The following NEGR1 variants were observed in gnomAD, a reference collection of about 807,000 sequenced individuals.
The protein encoded by NEGR1 is neuronal growth regulator 1.
A neutral mutation model predicts 40.9 loss-of-function variants in NEGR1; 10 were observed. The ratio of observed to expected loss-of-function variants is 0.24; its 90% CI spans 0.15 to 0.42. NEGR1 has a LOEUF of 0.42. NEGR1 is among the 10% of genes least tolerant of loss of function. The pLI is 1.00. For missense variants in NEGR1, 352 were observed against 438.9 expected, an observed-to-expected ratio of 0.80 and a Z score of 1.77; for synonymous variants, 185 against 166.8, an observed-to-expected ratio of 1.11 and a Z score of -0.84.
chr1:72,029,885 G>A (rs1011725661), intron 1 of NEGR1, among the ~76,000 whole-genome samples: 1 of 152,046 alleles, frequency 6.6e-6, no homozygotes, highest in African/African-American at 2.4e-5. Flanking sequence ...CATCTAATTT[G>A]GGAATTGAGG....
At chr1:72,158,996 G>A (rs971631839) in intron 1 of NEGR1, among the ~76,000 whole-genome samples, 15 of 152,050 alleles carry the variant, frequency 9.9e-5, no homozygotes, top group East Asian at 1.9e-4. Context: ...TGATCCTTGC[G>A]AGGCTGAATA....
At chr1:71,853,173 T>A (rs1014490857) in intron 2 of NEGR1, among the ~76,000 whole-genome samples, 3 of 152,126 alleles carry the variant, frequency 2.0e-5, no homozygotes, top group South Asian at 2.1e-4. Flanking sequence ...GTAAAGAGTA[T>A]GCCCTCAGTG....
chr1:72,243,221 CA>C (rs36071037), intron 1 of NEGR1, among the ~76,000 whole-genome samples: 3,312 of 151,762 alleles, frequency 0.022, 54 homozygotes, highest in African/African-American at 0.032. Flanking sequence ...CTTCTCATCT[CA>C]ATTAAAATCA....
At chr1:71,995,781 A>G (rs990881898) in intron 1 of NEGR1, among the ~76,000 whole-genome samples, 6 of 152,184 alleles carry the variant, frequency 3.9e-5, no homozygotes, top group Non-Finnish European at 5.9e-5. Flanking sequence ...TCTTTCTCTG[A>G]TCACTCCATC....
intron 6 of NEGR1, among the ~76,000 whole-genome samples, chr1:71,454,443 A>G (rs371082139): frequency 6.6e-6 from 1 of 150,500 alleles, no homozygotes; most frequent in Non-Finnish European, 1.5e-5. Context: ...CTACTGTGAC[A>G]TTTTTTTTTC....
At chr1:72,119,248 G>T (rs550513738) in intron 1 of NEGR1, among the ~76,000 whole-genome samples, 1 of 152,004 alleles carries the variant, frequency 6.6e-6, no homozygotes, top group South Asian at 2.1e-4. Context: ...TATGCTAATA[G>T]TTGATGATAA....
chr1:71,579,503 G>A (rs1256782259), intron 6 of NEGR1, among the ~76,000 whole-genome samples: 2 of 151,790 alleles, frequency 1.3e-5, no homozygotes, highest in Non-Finnish European at 2.9e-5. Flanking sequence ...GTCTACAAAT[G>A]TGTTTTCTTC....
chr1:71,432,948 T>C (rs1021212905), intron 6 of NEGR1, among the ~76,000 whole-genome samples: 1 of 152,216 alleles, frequency 6.6e-6, no homozygotes, highest in Non-Finnish European at 1.5e-5. Context: ...TGATTTATCA[T>C]TGAAACCTTG....
At chr1:71,954,088 T>A (rs1035476547) in intron 1 of NEGR1, among the ~76,000 whole-genome samples, 5 of 151,980 alleles carry the variant, frequency 3.3e-5, no homozygotes, top group African/African-American at 1.2e-4. Context: ...GAAATAGGAA[T>A]GTGAAATGGT....
intron 6 of NEGR1, among the ~76,000 whole-genome samples, chr1:71,433,171 T>C (rs1646480729): frequency 6.6e-6 from 1 of 152,236 alleles, no homozygotes. Context: ...AATACCTTGA[T>C]CTTGGACTTC....
chr1:71,785,172 GC>G (rs1302525308), intron 2 of NEGR1, among the ~76,000 whole-genome samples: 6 of 152,118 alleles, frequency 3.9e-5, no homozygotes, highest in African/African-American at 7.2e-5. Context: ...CTTAATAGCA[GC>G]TACTTCCTCA....
chr1:71,825,384 T>C (rs1658582258), intron 2 of NEGR1, among the ~76,000 whole-genome samples: 1 of 151,950 alleles, frequency 6.6e-6, no homozygotes, highest in South Asian at 2.1e-4. Context: ...AATCTCTGCA[T>C]GCTTTGGTCC....
intron 1 of NEGR1, among the ~76,000 whole-genome samples, chr1:72,117,381 C>T (rs1649623024): frequency 6.6e-6 from 1 of 151,822 alleles, no homozygotes; most frequent in Admixed American, 6.6e-5. Context: ...TTCATACCAG[C>T]AGTGTTCTGA....
chr1:72,256,835 C>T (rs533047875), intron 1 of NEGR1, among the ~76,000 whole-genome samples: 3 of 152,150 alleles, frequency 2.0e-5, no homozygotes, highest in Admixed American at 1.3e-4. Context: ...AACAGAATAG[C>T]TTCTAAAGTA....
intron 4 of NEGR1, among the ~76,000 whole-genome samples, chr1:71,667,968 G>A (rs566333544): frequency 4.6e-5 from 7 of 152,190 alleles, no homozygotes; most frequent in Non-Finnish European, 7.3e-5. Flanking sequence ...AGCATATAAT[G>A]TAGTCATAAT....
chr1:72,258,205 A>G (rs569464784), intron 1 of NEGR1, among the ~76,000 whole-genome samples: 2 of 152,296 alleles, frequency 1.3e-5, no homozygotes, highest in South Asian at 4.1e-4. Flanking sequence ...TTTGGTTTTC[A>G]AAACTCAAGG....
intron 6 of NEGR1, among the ~76,000 whole-genome samples, chr1:71,578,875 A>C (rs753633742): frequency 3.3e-5 from 5 of 152,214 alleles, no homozygotes; most frequent in Non-Finnish European, 5.9e-5. Flanking sequence ...TGGCACAAGC[A>C]TATCTGATTT....
At chr1:71,608,813 T>G (rs749143256) in intron 5 of NEGR1, among the ~76,000 whole-genome samples, 2 of 152,192 alleles carry the variant, frequency 1.3e-5, no homozygotes, top group Non-Finnish European at 2.9e-5. Context: ...CCCAGCATCT[T>G]CTCGAGAAGT....
At chr1:71,490,793 A>AT (rs1269756847) in intron 6 of NEGR1, among the ~76,000 whole-genome samples, 1 of 152,038 alleles carries the variant, frequency 6.6e-6, no homozygotes, top group African/African-American at 2.4e-5. Flanking sequence ...ATCAACTGGG[A>AT]TTTTAACGGC....
Sources: gnomAD v4.1 joint callset for allele counts (sites outside exome capture counted in the v4.1 genomes callset) on GRCh38, gnomAD v4.1.1 for gene constraint, MANE v1.5 for transcripts, NCBI Gene and HGNC (gene_info 2026-07-23, HGNC 2026-07-21) for gene names.